Variants in CNTN5 observed in about 807,000 individuals in gnomAD.
The protein encoded by CNTN5 is contactin 5.
A neutral mutation model predicts 129.1 loss-of-function variants in CNTN5; 77 were observed. The ratio of observed to expected loss-of-function variants is 0.60; its 90% CI spans 0.50 to 0.72. The LOEUF (loss-of-function observed/expected upper bound fraction) is 0.72, where lower values mean the gene tolerates loss of function less well. CNTN5 is among the 30% of genes least tolerant of loss of function. The pLI is 0.00. For synonymous variants in CNTN5, 509 were observed against 465.6 expected (o/e 1.09, Z -1.20); for missense variants, 1,478 against 1,328.8 (o/e 1.11, Z -1.75).
chr11:99,067,874 C>T (rs1197299415), intron 1 of CNTN5, among the ~76,000 whole-genome samples: 1 of 152,140 alleles, frequency 6.6e-6, no homozygotes, highest in Non-Finnish European at 1.5e-5. Context: ...TCACAATCCT[C>T]AGAATCCCCA....
At chr11:99,098,537 A>G (rs1866578984) in intron 1 of CNTN5, among the ~76,000 whole-genome samples, 1 of 152,106 alleles carries the variant, frequency 6.6e-6, no homozygotes, top group Non-Finnish European at 1.5e-5. Context: ...GCTCTCTGCT[A>G]CGAGGTTTTC....
chr11:99,760,903 GTATA>G (rs1944557279), intron 3 of CNTN5, among the ~76,000 whole-genome samples: 1 of 152,006 alleles, frequency 6.6e-6, no homozygotes, highest in African/African-American at 2.4e-5. Flanking sequence ...GAACATCACT[GTATA>G]TAATTTTTTC....
chr11:99,454,648 AT>A (rs1366564931), intron 2 of CNTN5, among the ~76,000 whole-genome samples: 1 of 152,284 alleles, frequency 6.6e-6, no homozygotes, highest in East Asian at 1.9e-4. Flanking sequence ...CTGTGAGTCA[AT>A]TAAACCTCTT....
At chr11:99,518,613 G>A (rs1017845523) in intron 2 of CNTN5, among the ~76,000 whole-genome samples, 2 of 152,018 alleles carry the variant, frequency 1.3e-5, no homozygotes, top group African/African-American at 4.8e-5. Context: ...GGGCAATATG[G>A]CAGCAATGGC....
chr11:100,195,850 C>T (rs1013911481), intron 15 of CNTN5, among the ~76,000 whole-genome samples: 1 of 151,902 alleles, frequency 6.6e-6, no homozygotes, highest in African/African-American at 2.4e-5. Flanking sequence ...ATGGAAAGAA[C>T]AACATTCTGT....
chr11:99,436,185 T>C (rs1197617819), intron 2 of CNTN5, among the ~76,000 whole-genome samples: 4 of 152,184 alleles, frequency 2.6e-5, no homozygotes, highest in Non-Finnish European at 4.4e-5. Context: ...GGCAGTGATG[T>C]CAATTACTAC....
chr11:99,598,207 C>T (rs950956734), intron 3 of CNTN5, among the ~76,000 whole-genome samples: 4 of 146,474 alleles, frequency 2.7e-5, no homozygotes, highest in Non-Finnish European at 4.5e-5. Context: ...ATTCCTCAGG[C>T]GGGAACCTTT....
At chr11:100,030,937 A>C (rs562773018) in intron 9 of CNTN5, among the ~76,000 whole-genome samples, 29 of 152,270 alleles carry the variant, frequency 1.9e-4, no homozygotes, top group African/African-American at 7.0e-4. Flanking sequence ...TTTTTCGTGA[A>C]TTAAGGTCTA....
intron 1 of CNTN5, among the ~76,000 whole-genome samples, chr11:99,085,923 T>A (rs1865988081): frequency 6.6e-6 from 1 of 152,160 alleles, no homozygotes; most frequent in Non-Finnish European, 1.5e-5. Flanking sequence ...TATAAATACT[T>A]ACCATTGTGT....
At chr11:99,601,411 C>A (rs1950308455) in intron 3 of CNTN5, among the ~76,000 whole-genome samples, 2 of 152,244 alleles carry the variant, frequency 1.3e-5, no homozygotes, top group South Asian at 2.1e-4. Flanking sequence ...CACTTCCTGT[C>A]AATATTTGTC....
rs188810400 is a variant in CNTN5 at position 100,155,732 on chromosome 11, C to T, written c.1581-35394C>T. On this transcript the variant is annotated intron_variant, in intron 13 of 24. Coordinates refer to ENST00000524871, the MANE Select transcript of CNTN5 (RefSeq NM_014361.4). ...TTGTAGTTCTCCTTGAGGTCCTTCACATCCCTTGTAAGTTGTATTCCTAGG... is the reference window on the plus strand; with the variant it reads ...TTGTAGTTCTCCTTGAGGTCCTTCATATCCCTTGTAAGTTGTATTCCTAGG... Among the ~76,000 whole-genome samples, 1,401 of 147,360 alleles carry T rather than the reference C, an allele frequency of 9.5e-3. 13 individuals carry two copies. The highest frequency in any genetic ancestry group is 0.02 in the African/African-American group (844 of 41,394).
At chr11:100,235,861 A>C (rs1949603617) in intron 16 of CNTN5, among the ~76,000 whole-genome samples, 1 of 151,960 alleles carries the variant, frequency 6.6e-6, no homozygotes, top group Non-Finnish European at 1.5e-5. Flanking sequence ...TCGTTTTTTG[A>C]GGGTTCCGTC....
At chr11:99,905,058 A>T (rs1218722829) in intron 6 of CNTN5, among the ~76,000 whole-genome samples, 2 of 152,048 alleles carry the variant, frequency 1.3e-5, no homozygotes, top group Admixed American at 6.6e-5. Flanking sequence ...TATCAGACAG[A>T]TAGATTGCAA....
chr11:99,656,504 G>C (rs1438691460), intron 3 of CNTN5, among the ~76,000 whole-genome samples: 1 of 148,186 alleles, frequency 6.7e-6, no homozygotes, highest in African/African-American at 2.5e-5. Flanking sequence ...CACTTGAGAA[G>C]GGCAAAATTT....
chr11:99,768,248 A>G (rs1026679573), intron 3 of CNTN5, among the ~76,000 whole-genome samples: 1 of 152,126 alleles, frequency 6.6e-6, no homozygotes, highest in African/African-American at 2.4e-5. Context: ...AGTTATATAC[A>G]TCCACAGATT....
chr11:99,644,160 A>ACT (rs1951866469), intron 3 of CNTN5, among the ~76,000 whole-genome samples: 2 of 93,480 alleles, frequency 2.1e-5, no homozygotes, highest in South Asian at 3.0e-4. Context: ...TCCAAAAAAG[A>ACT]CTGTCTCTAG....
At chr11:99,624,819 G>A (rs1318264479) in intron 3 of CNTN5, among the ~76,000 whole-genome samples, 1 of 152,134 alleles carries the variant, frequency 6.6e-6, no homozygotes, top group Non-Finnish European at 1.5e-5. Flanking sequence ...ATAGCTCATT[G>A]CTTCTGCAAA....
chr11:99,857,651 A>G (rs918068558), intron 6 of CNTN5, among the ~76,000 whole-genome samples: 1 of 152,288 alleles, frequency 6.6e-6, no homozygotes, highest in Admixed American at 6.5e-5. Flanking sequence ...ATAATTTTGC[A>G]TACTATTGGT....
At chr11:99,070,667 A>G (rs904573333) in intron 1 of CNTN5, among the ~76,000 whole-genome samples, 1 of 152,118 alleles carries the variant, frequency 6.6e-6, no homozygotes, top group Non-Finnish European at 1.5e-5. Flanking sequence ...CATGCTGGCC[A>G]TTTTTAAACC....
Sources: allele counts gnomAD v4.1 joint callset (sites outside exome capture counted in the v4.1 genomes callset), GRCh38; gene constraint gnomAD v4.1.1; transcripts MANE v1.5; gene names NCBI Gene and HGNC (gene_info 2026-07-23, HGNC 2026-07-21).